The following PTPRN2 variants were observed in gnomAD, a reference collection of about 807,000 sequenced individuals.
PTPRN2 encodes receptor-type tyrosine-protein phosphatase N2.
In PTPRN2, 74 loss-of-function variants were observed where a neutral mutation model predicts 118.8. That is an observed-to-expected ratio of 0.62 (90% CI 0.52 to 0.76). The LOEUF is 0.76. Ranked by LOEUF, PTPRN2 falls within the 30% of genes least tolerant of loss-of-function variation. PTPRN2 has a pLI of 0.00. For missense variants in PTPRN2, 1,481 were observed against 1,394.4 expected (o/e 1.06, Z -0.99); for synonymous variants, 641 against 608.0 (o/e 1.05, Z -0.80).
chr7:158,055,311 C>T (rs969065498), intron 11 of PTPRN2, among the ~76,000 whole-genome samples: 24 of 152,182 alleles, frequency 1.6e-4, no homozygotes, highest in African/African-American at 4.6e-4. Flanking sequence ...CTTGGTCTAG[C>T]GGTAACGCCA....
At chr7:158,255,965 G>A (rs1489611975) in intron 3 of PTPRN2, among the ~76,000 whole-genome samples, 3 of 152,184 alleles carry the variant, frequency 2.0e-5, no homozygotes, top group African/African-American at 7.2e-5. Context: ...TCTGTCCTCA[G>A]ACTTAGATGC....
intron 10 of PTPRN2, among the ~76,000 whole-genome samples, chr7:158,110,497 G>C (rs940502000): frequency 3.9e-5 from 6 of 152,186 alleles, no homozygotes; most frequent in African/African-American, 1.4e-4. Context: ...ACGCTGCACA[G>C]TGTTCTCTGG....
rs373220919 is a variant in PTPRN2 at position 158,391,092 on chromosome 7, C to T, written c.164-74160G>A. Among the ~76,000 whole-genome samples the T allele has an allele frequency of 2.0e-4, 31 of 152,328 alleles. 1 individual carries two copies. In the South Asian group the frequency reaches 5.2e-3, roughly 25 times the overall value. ...TTCTTCCCTCTTGCGACGGTTGTAA[C>T]GCAACAGCCATGTTTCACGTTCAGA... On this transcript the variant is annotated intron_variant, in intron 2 of 22. Transcript: ENST00000389418.
At chr7:158,405,020 C>T (rs1400079449) in intron 2 of PTPRN2, among the ~76,000 whole-genome samples, 40 of 139,684 alleles carry the variant, frequency 2.9e-4, no homozygotes, top group Non-Finnish European at 4.6e-4. Flanking sequence ...CTCAGCTCCC[C>T]GGCCCCAGCT....
At chr7:157,821,759 G>A (rs967396245) in intron 12 of PTPRN2, among the ~76,000 whole-genome samples, 4 of 152,112 alleles carry the variant, frequency 2.6e-5, no homozygotes, top group Admixed American at 6.5e-5. Flanking sequence ...AATGCAAACA[G>A]GAAGACAAAT....
intron 14 of PTPRN2, among the ~76,000 whole-genome samples, chr7:157,635,822 C>T (rs1266070507): frequency 6.6e-6 from 1 of 150,962 alleles, no homozygotes; most frequent in African/African-American, 2.4e-5. Context: ...TCAGCTCTTT[C>T]CTCTGGCTAG....
In PTPRN2 at chr7:157,986,183, G is replaced by T. The variant is rs1278963217; in HGVS notation, c.1724-87446C>A. On this transcript the variant is annotated intron_variant, in intron 11 of 22. Coordinates refer to ENST00000389418, the MANE Select transcript of PTPRN2 (RefSeq NM_002847.5). The surrounding 1 kb of genome is among the most constrained non-coding windows in gnomAD (Gnocchi z 4.5). ...CAGCCCCGCTCTCGTATGTCCGGGG[G>T]AAGCTATGGAGAGGGTGCTGCAAAG... Among the ~76,000 whole-genome samples, 2 of 152,190 alleles carry T rather than the reference G, an allele frequency of 1.3e-5. No individual in the cohort carries two copies. The highest frequency in any genetic ancestry group is 2.4e-5 in the African/African-American group (1 of 41,446).
Position 157,975,000 on chromosome 7 carries a change from T to C in PTPRN2, c.1724-76263A>G, listed in dbSNP as rs188002661. On this transcript the variant is annotated intron_variant, in intron 11 of 22. Coordinates refer to ENST00000389418, the MANE Select transcript of PTPRN2 (RefSeq NM_002847.5). This position sits in a 1 kb window ranked among gnomAD's most constrained non-coding sequence, Gnocchi z 4.0. ...GCCTGTGACCTCTGGGCAGGGCTAG[T>C]GAGGGGCTGGGGAGAGCAGAGGGTG... Among the ~76,000 whole-genome samples, 7 of 152,014 alleles carry C rather than the reference T, an allele frequency of 4.6e-5. No individual in the cohort carries two copies. The highest frequency in any genetic ancestry group is 1.4e-4 in the African/African-American group (6 of 41,420).
At chr7:158,321,434 C>G (rs1803008436) in intron 2 of PTPRN2, among the ~76,000 whole-genome samples, 2 of 152,308 alleles carry the variant, frequency 1.3e-5, no homozygotes, top group South Asian at 4.1e-4. Flanking sequence ...TGCCATGGCC[C>G]TGCAGCCTGT....
chr7:157,827,833 T>G (rs1389275512), intron 12 of PTPRN2, among the ~76,000 whole-genome samples: 1 of 152,212 alleles, frequency 6.6e-6, no homozygotes, highest in Non-Finnish European at 1.5e-5. Flanking sequence ...ACGGCCACCG[T>G]GTCACGGGCT....
intron 3 of PTPRN2, among the ~76,000 whole-genome samples, chr7:158,243,799 C>G (rs1796031005): frequency 6.6e-6 from 1 of 152,040 alleles, no homozygotes; most frequent in Non-Finnish European, 1.5e-5. Flanking sequence ...TACTATATAT[C>G]TCCTAAGTAT....
At chr7:157,580,802 A>G (rs866057572) in intron 17 of PTPRN2, among the ~76,000 whole-genome samples, 2 of 36,064 alleles carry the variant, frequency 5.5e-5, no homozygotes, top group African/African-American at 1.1e-4. Context: ...ACACCCCAGC[A>G]CCTGCACACC....
At chr7:157,771,756 AACAG>A (rs953531279) in intron 12 of PTPRN2, among the ~76,000 whole-genome samples, 97 of 150,042 alleles carry the variant, frequency 6.5e-4, no homozygotes, top group African/African-American at 2.3e-3. Context: ...TACAGACACA[AACAG>A]ACACACATGC....
At chr7:157,870,294 T>G (rs1429897320) in intron 12 of PTPRN2, among the ~76,000 whole-genome samples, 2 of 152,204 alleles carry the variant, frequency 1.3e-5, no homozygotes, top group African/African-American at 4.8e-5. Flanking sequence ...CAAGGTTAAT[T>G]TTTTCCTTGC....
intron 2 of PTPRN2, among the ~76,000 whole-genome samples, chr7:158,319,527 T>TCACACACACTCACAGTCTCCCTCA (rs1802691202): frequency 2.9e-5 from 1 of 34,962 alleles, no homozygotes. Context: ...ACAGCCTCCC[T>TCACACACACTCACAGTCTCCCTCA]CACACACACA....
At chr7:157,975,148 T>C (rs1055072443) in intron 11 of PTPRN2, among the ~76,000 whole-genome samples, 1 of 152,100 alleles carries the variant, frequency 6.6e-6, no homozygotes, top group African/African-American at 2.4e-5. Context: ...CCTAGGCCTT[T>C]CTGGGGCCCC....
intron 17 of PTPRN2, among the ~76,000 whole-genome samples, chr7:157,594,426 C>T (rs982180715): frequency 3.8e-4 from 58 of 152,294 alleles, no homozygotes; most frequent in African/African-American, 1.2e-3. Context: ...GGCTGTGGAT[C>T]GCCAGGAGGC....
intron 1 of PTPRN2, chr7:158,541,487 C>T: frequency 7.4e-7 from 1 of 1,352,156 alleles, no homozygotes; most frequent in Non-Finnish European, 9.8e-7. Context: ...TCTCCCTCGT[C>T]TGTGGACCTG....
chr7:158,514,587 T>C (rs1325468303), intron 1 of PTPRN2, among the ~76,000 whole-genome samples: 1 of 152,164 alleles, frequency 6.6e-6, no homozygotes, highest in Non-Finnish European at 1.5e-5. Context: ...AAAGGATCCA[T>C]GTGTGCAGCA....
Sources: allele counts gnomAD v4.1 joint callset (sites outside exome capture counted in the v4.1 genomes callset), GRCh38; gene constraint gnomAD v4.1.1; non-coding constraint Gnocchi (gnomAD v3.1); transcripts MANE v1.5; gene names NCBI Gene and HGNC (gene_info 2026-07-23, HGNC 2026-07-21).